SLC22A15: variants seen among roughly 807,000 people sequenced by gnomAD.
SLC22A15 encodes the protein solute carrier family 22 member 15, also known as flipt 1.
Under a neutral mutation model 62.7 loss-of-function variants are expected in SLC22A15, and 45 were observed. The ratio of observed to expected loss-of-function variants is 0.72; its 90% CI spans 0.56 to 0.92. SLC22A15 has a LOEUF of 0.92. SLC22A15 is among the 40% of genes least tolerant of loss of function. The pLI is 0.00. For synonymous variants in SLC22A15, 264 were observed against 267.0 expected (o/e 0.99, Z 0.11); for missense variants, 622 against 665.6 (o/e 0.93, Z 0.72).
chr1:116,064,642 G>C, intron 10 of SLC22A15, 134 bp downstream of exon 10: 1 of 671,678 alleles, frequency 1.5e-6, no homozygotes, highest in East Asian at 2.7e-5. Context: ...GGCCCTTTTA[G>C]ATAGTATTCC....
At chr1:116,016,716 C>T (rs1248274591) in intron 2 of SLC22A15, among the ~76,000 whole-genome samples, 1 of 152,130 alleles carries the variant, frequency 6.6e-6, no homozygotes, top group South Asian at 2.1e-4. Context: ...ATGTCACAAC[C>T]ACCCAGAGAG....
intron 8 of SLC22A15, among the ~76,000 whole-genome samples, chr1:116,047,023 G>C (rs1054355133): frequency 2.6e-5 from 4 of 152,138 alleles, no homozygotes; most frequent in African/African-American, 9.7e-5. Flanking sequence ...AATCCTGGGA[G>C]TTCTAGGGCC....
intron 8 of SLC22A15, among the ~76,000 whole-genome samples, chr1:116,045,364 G>A (rs1285154890): frequency 2.6e-5 from 4 of 151,140 alleles, no homozygotes; most frequent in African/African-American, 9.7e-5. Flanking sequence ...AAATTTTTAT[G>A]GAAATTCAAA....
chr1:116,057,002 A>G (rs1457859916), intron 8 of SLC22A15, among the ~76,000 whole-genome samples: 2 of 152,054 alleles, frequency 1.3e-5, no homozygotes, highest in Non-Finnish European at 2.9e-5. Context: ...ATGGGCAAGG[A>G]CTTCATGTCT....
chr1:116,011,419 C>A (rs1041159818), intron 2 of SLC22A15, among the ~76,000 whole-genome samples: 4 of 152,046 alleles, frequency 2.6e-5, no homozygotes, highest in Non-Finnish European at 5.9e-5. Flanking sequence ...AAATGGTGAC[C>A]AATTAGGTAG....
At chr1:116,062,128 G>T (rs1219145285) in intron 8 of SLC22A15, among the ~76,000 whole-genome samples, 1 of 152,168 alleles carries the variant, frequency 6.6e-6, no homozygotes, top group Non-Finnish European at 1.5e-5. Context: ...AGAATCGCTT[G>T]AGCCCAGGAG....
chr1:116,006,501 A>G (rs754248647), intron 2 of SLC22A15, among the ~76,000 whole-genome samples: 2 of 152,164 alleles, frequency 1.3e-5, no homozygotes, highest in Non-Finnish European at 1.5e-5. Flanking sequence ...CTGAGAGGAA[A>G]AGAATTAAGG....
At chr1:115,996,488 A>G (rs1402490957) in intron 2 of SLC22A15, among the ~76,000 whole-genome samples, 2 of 151,932 alleles carry the variant, frequency 1.3e-5, no homozygotes, top group African/African-American at 4.8e-5. Context: ...TCTTTCATCA[A>G]TGTTTCATAT....
At chr1:116,055,584 C>T (rs771701361) in intron 8 of SLC22A15, among the ~76,000 whole-genome samples, 18,367 of 147,616 alleles carry the variant, frequency 0.12, 1,504 homozygotes, top group African/African-American at 0.23. Context: ...ATACCAAAGC[C>T]GGGCAGAGAC....
At position 116,031,470 on chromosome 1, in the gene SLC22A15, C is replaced by T. The variant is rs1327166163; in HGVS notation, c.833C>T (p.Thr278Met). ...IAKRNRKLKC[T>M]FSLTHPANRS... ...AAGAGGAACCGCAAACTCAAGTGCA[C>T]GTTCTCACTAACACACCCAGCCAAC... The change falls in exon 6 of 12, where the codon ACG becomes ATG. Residue 278 changes from threonine (T) to methionine (M), a missense_variant. By Grantham distance (81) the Thr-to-Met change is moderately conservative (BLOSUM62 -1). Coordinates refer to ENST00000369503, the MANE Select transcript of SLC22A15 (RefSeq NM_018420.3). 3.2e-5 allele frequency: 52 copies of T among 1,613,864 alleles called. No homozygotes were observed. Among genetic ancestry groups the T allele is most frequent in the Middle Eastern group, 1.6e-4 (1 of 6,074 alleles).
chr1:116,043,470 T>G (rs1387850143), intron 8 of SLC22A15, among the ~76,000 whole-genome samples: 2 of 151,958 alleles, frequency 1.3e-5, no homozygotes, highest in Non-Finnish European at 2.9e-5. Context: ...GGGAGGCAAA[T>G]AAAGTAATGC....
intron 1 of SLC22A15, among the ~76,000 whole-genome samples, chr1:115,986,489 G>A (rs1199200920): frequency 6.6e-6 from 1 of 152,186 alleles, no homozygotes; most frequent in Non-Finnish European, 1.5e-5. Flanking sequence ...AAGGGAGACG[G>A]TGTGGTCTAG....
At chr1:115,992,495 A>G (rs1375483525) in intron 2 of SLC22A15, among the ~76,000 whole-genome samples, 1 of 152,232 alleles carries the variant, frequency 6.6e-6, no homozygotes, top group Non-Finnish European at 1.5e-5. Context: ...CCAAAAGAAC[A>G]GTATGTTGAT....
At chr1:116,026,821 T>C in intron 4 of SLC22A15, 72 bp from the exon 5 acceptor site, 1 of 1,578,920 alleles carries the variant, frequency 6.3e-7, no homozygotes, top group Non-Finnish European at 8.6e-7. Flanking sequence ...AAATTGGCTC[T>C]GTAACTTGGG....
chr1:115,991,253 G>T (rs1046503600), intron 1 of SLC22A15, among the ~76,000 whole-genome samples: 1 of 152,156 alleles, frequency 6.6e-6, no homozygotes, highest in Non-Finnish European at 1.5e-5. Flanking sequence ...TAGCTGTAAA[G>T]CCCAGAACAA....
At chr1:116,056,442 G>A (rs559966198) in intron 8 of SLC22A15, among the ~76,000 whole-genome samples, 2 of 150,020 alleles carry the variant, frequency 1.3e-5, no homozygotes, top group South Asian at 4.3e-4. Context: ...CATGCTCATG[G>A]GTAGGAAGAA....
intron 2 of SLC22A15, chr1:116,015,157 A>C: frequency 6.6e-6 from 1 of 152,190 alleles, no homozygotes; most frequent in East Asian, 1.9e-4. Flanking sequence ...GCTGGTTGTC[A>C]ACCCATTGTT....
At chr1:116,024,874 T>G (rs1033174321) in intron 4 of SLC22A15, among the ~76,000 whole-genome samples, 3 of 152,156 alleles carry the variant, frequency 2.0e-5, no homozygotes, top group Admixed American at 6.5e-5. Context: ...CAGGCCCCAT[T>G]TGAACCACAG....
chr1:115,991,101 G>A (rs1337031251), intron 1 of SLC22A15, among the ~76,000 whole-genome samples: 1 of 152,280 alleles, frequency 6.6e-6, no homozygotes. Context: ...TATTTAGATT[G>A]TCTTACTCTG....
Sources: gnomAD v4.1 joint callset for allele counts (sites outside exome capture counted in the v4.1 genomes callset) on GRCh38, gnomAD v4.1.1 for gene constraint, MANE v1.5 for transcripts, NCBI Gene and HGNC (gene_info 2026-07-23, HGNC 2026-07-21) for gene names.